SLC39A11: variants seen among roughly 807,000 people sequenced by gnomAD.
SLC39A11 encodes the protein solute carrier family 39 member 11, also known as zinc transporter ZIP11.
Under a neutral mutation model 36.1 loss-of-function variants are expected in SLC39A11, and 33 were observed. That is an observed-to-expected ratio of 0.91 (90% CI 0.69 to 1.22). SLC39A11 has a LOEUF of 1.22. Ranked by LOEUF, SLC39A11 falls within the 50% of genes most tolerant of loss-of-function variation. The pLI is 0.00. For missense variants in SLC39A11, 432 were observed against 430.3 expected, an observed-to-expected ratio of 1.00 and a Z score of -0.03; for synonymous variants, 166 against 170.3, an observed-to-expected ratio of 0.97 and a Z score of 0.20.
At chr17:72,902,311 A>G (rs2082434597) in intron 5 of SLC39A11, among the ~76,000 whole-genome samples, 3 of 151,584 alleles carry the variant, frequency 2.0e-5, no homozygotes, top group Non-Finnish European at 2.9e-5. Context: ...GGAAGAGGAG[A>G]GGACACACAG....
intron 3 of SLC39A11, 83 bp downstream of exon 3, chr17:73,084,725 G>A: frequency 1.5e-6 from 2 of 1,375,606 alleles, no homozygotes; most frequent in South Asian, 2.3e-5. Flanking sequence ...GTCGCAAGGG[G>A]AGGGACTGAA....
intron 6 of SLC39A11, among the ~76,000 whole-genome samples, chr17:72,827,204 A>T (rs2078065039): frequency 6.6e-6 from 1 of 152,262 alleles, no homozygotes; most frequent in African/African-American, 2.4e-5. Flanking sequence ...GATGAATTTT[A>T]AAAACACTGT....
At chr17:72,781,463 G>A (rs1346386304) in intron 6 of SLC39A11, among the ~76,000 whole-genome samples, 8 of 148,006 alleles carry the variant, frequency 5.4e-5, no homozygotes, top group East Asian at 2.0e-4. Flanking sequence ...TCGCTCTATC[G>A]CCCAGGCTGG....
At chr17:72,912,690 G>A (rs1251646595) in intron 5 of SLC39A11, among the ~76,000 whole-genome samples, 4 of 152,066 alleles carry the variant, frequency 2.6e-5, no homozygotes, top group African/African-American at 4.8e-5. Flanking sequence ...AGGAAACACC[G>A]GACCAGAAGC....
At chr17:73,058,787 T>C (rs2059750418) in intron 3 of SLC39A11, among the ~76,000 whole-genome samples, 1 of 152,186 alleles carries the variant, frequency 6.6e-6, no homozygotes. Flanking sequence ...GTAGGATCTG[T>C]CTTTTGGCAG....
At chr17:73,069,056 C>T (rs2060082191) in intron 3 of SLC39A11, among the ~76,000 whole-genome samples, 1 of 152,060 alleles carries the variant, frequency 6.6e-6, no homozygotes, top group African/African-American at 2.4e-5. Context: ...TGCCAACAGC[C>T]CTGTATTTTC....
At chr17:73,043,537 C>T (rs2059175982) in intron 3 of SLC39A11, among the ~76,000 whole-genome samples, 1 of 152,126 alleles carries the variant, frequency 6.6e-6, no homozygotes, top group Admixed American at 6.6e-5. Flanking sequence ...CAGCATGGAG[C>T]AGGTCAGCAT....
At chr17:72,968,860 CT>C (rs1298998655) in intron 4 of SLC39A11, among the ~76,000 whole-genome samples, 1 of 152,118 alleles carries the variant, frequency 6.6e-6, no homozygotes, top group South Asian at 2.1e-4. Flanking sequence ...ATTTTTTATT[CT>C]TTTTTTTCTT....
At chr17:72,966,990 T>C (rs1164489050) in intron 4 of SLC39A11, among the ~76,000 whole-genome samples, 1 of 152,178 alleles carries the variant, frequency 6.6e-6, no homozygotes, top group Non-Finnish European at 1.5e-5. Context: ...GAACTGTGCA[T>C]GCAAAGGATC....
At chr17:72,668,324 A>G (rs923455004) in intron 7 of SLC39A11, among the ~76,000 whole-genome samples, 1 of 151,114 alleles carries the variant, frequency 6.6e-6, no homozygotes, top group Non-Finnish European at 1.5e-5. Flanking sequence ...AAAATTCCCT[A>G]GCTCTGATTA....
chr17:72,858,804 C>G (rs1317537730), intron 5 of SLC39A11, among the ~76,000 whole-genome samples: 6 of 152,276 alleles, frequency 3.9e-5, no homozygotes, highest in Middle Eastern at 3.4e-3. Flanking sequence ...TATAGAAATA[C>G]TAGTGATTTT....
At chr17:72,824,894 G>A (rs934381979) in intron 6 of SLC39A11, among the ~76,000 whole-genome samples, 9 of 151,330 alleles carry the variant, frequency 5.9e-5, no homozygotes, top group Admixed American at 4.0e-4. Flanking sequence ...TGAGCAAAAC[G>A]ATGATCTGAA....
intron 4 of SLC39A11, among the ~76,000 whole-genome samples, chr17:72,979,044 A>G (rs145754539): frequency 2.0e-5 from 3 of 152,294 alleles, no homozygotes; most frequent in African/African-American, 7.2e-5. Context: ...TGTAAACCCC[A>G]TAATCACCAC....
intron 7 of SLC39A11, chr17:72,664,060 G>A: frequency 6.2e-6 from 1 of 160,224 alleles, no homozygotes. Flanking sequence ...GGTGAGGGAG[G>A]AAAGGGACAC....
At chr17:72,992,441 A>G (rs189362162) in intron 4 of SLC39A11, among the ~76,000 whole-genome samples, 3 of 152,288 alleles carry the variant, frequency 2.0e-5, no homozygotes, top group African/African-American at 7.2e-5. Context: ...TCATGTGTTT[A>G]TTGGTTCTTT....
intron 7 of SLC39A11, among the ~76,000 whole-genome samples, chr17:72,659,494 A>G (rs558256251): frequency 1.1e-4 from 17 of 151,820 alleles, no homozygotes; most frequent in Non-Finnish European, 2.5e-4. Flanking sequence ...CCCTTCTCCA[A>G]GTCCAAGCCA....
At chr17:72,870,784 T>C (rs986618085) in intron 5 of SLC39A11, among the ~76,000 whole-genome samples, 1 of 152,248 alleles carries the variant, frequency 6.6e-6, no homozygotes, top group African/African-American at 2.4e-5. Context: ...TATGTTATCC[T>C]TCATCTAATT....
chr17:72,831,879 T>TA lies in SLC39A11; in HGVS notation c.601+17754dup, dbSNP rs2078299591. ...AAGCAACAGTCTCCATGGCTGAGAG[T>TA]AGAGCTTAAGTTACGCAGATGGGCT... On this transcript the variant is annotated intron_variant, in intron 6 of 9. Transcript: ENST00000255559. 2.0e-5 allele frequency among the ~76,000 whole-genome samples: 3 copies of TA among 152,224 alleles called. 1 individual carries two copies. Among genetic ancestry groups the TA allele is most frequent in the African/African-American group, 7.2e-5 (3 of 41,512 alleles).
chr17:72,729,856 G>C (rs1326740335), intron 7 of SLC39A11, among the ~76,000 whole-genome samples: 1 of 152,064 alleles, frequency 6.6e-6, no homozygotes, highest in Non-Finnish European at 1.5e-5. Flanking sequence ...CTTGGATCAA[G>C]CCCTTTGGAG....
Sources: allele counts gnomAD v4.1 joint callset (sites outside exome capture counted in the v4.1 genomes callset), GRCh38; gene constraint gnomAD v4.1.1; transcripts MANE v1.5; gene names NCBI Gene and HGNC (gene_info 2026-07-23, HGNC 2026-07-21).